Variants in GALNT15 observed in about 807,000 individuals in gnomAD.
GALNT15 encodes the protein polypeptide N-acetylgalactosaminyltransferase 15, also known as UDP-GalNAc transferase T15.
Under a neutral mutation model 66.8 loss-of-function variants are expected in GALNT15, and 67 were observed. The observed-to-expected ratio is 1.00, with a 90% CI of 0.82 to 1.23. GALNT15 has a LOEUF of 1.23. Ranked by LOEUF, GALNT15 falls within the 50% of genes most tolerant of loss-of-function variation. The pLI, the probability that GALNT15 is intolerant of heterozygous loss-of-function variation, is 0.00. For missense variants in GALNT15, 827 were observed against 804.3 expected, an observed-to-expected ratio of 1.03 and a Z score of -0.34; for synonymous variants, 313 against 311.5, an observed-to-expected ratio of 1.00 and a Z score of -0.05.
intron 1 of GALNT15, among the ~76,000 whole-genome samples, chr3:16,190,616 G>C (rs542712229): frequency 1.7e-3 from 248 of 148,908 alleles, no homozygotes; most frequent in African/African-American, 3.9e-3. Context: ...CCAGCCTGGG[G>C]GACAGAGCGA....
At chr3:16,223,154 C>T (rs2063965917) in intron 9 of GALNT15, among the ~76,000 whole-genome samples, 1 of 152,122 alleles carries the variant, frequency 6.6e-6, no homozygotes, top group African/African-American at 2.4e-5. Flanking sequence ...ACTTTAGATA[C>T]AGATGTAGAT....
intron 3 of GALNT15, among the ~76,000 whole-genome samples, chr3:16,206,629 C>T (rs1485239830): frequency 7.0e-5 from 10 of 142,004 alleles, no homozygotes; most frequent in East Asian, 2.0e-4. Flanking sequence ...ACCGAGATCA[C>T]GCCACTGCCC....
the GALNT15 span, among the ~76,000 whole-genome samples, chr3:16,238,923 G>C: frequency 6.6e-6 from 1 of 152,142 alleles, no homozygotes; most frequent in South Asian, 2.1e-4. This position sits in a 1 kb window ranked among gnomAD's most constrained non-coding sequence, Gnocchi z 4.8. Context: ...GCCTAGTTGA[G>C]GACAGGCAGT....
the GALNT15 span, among the ~76,000 whole-genome samples, chr3:16,240,888 AC>A: frequency 6.6e-6 from 1 of 152,146 alleles, no homozygotes; most frequent in Admixed American, 6.5e-5. Context: ...CTCTGGACTC[AC>A]CTGCTACTAT....
At chr3:16,217,535 T>G (rs897925644) in intron 6 of GALNT15, among the ~76,000 whole-genome samples, 2 of 152,222 alleles carry the variant, frequency 1.3e-5, no homozygotes, top group African/African-American at 4.8e-5. Context: ...GCCCTAAAGA[T>G]TTCTATTTCT....
Position 16,180,641 on chromosome 3 carries a change from C to T in GALNT15, c.539+4951C>T, listed in dbSNP as rs564274220. On this transcript the variant is annotated intron_variant, in intron 1 of 9. Coordinates refer to ENST00000339732, the MANE Select transcript of GALNT15 (RefSeq NM_054110.5). The surrounding 1 kb of genome is among the most constrained non-coding windows in gnomAD (Gnocchi z 5.0). Reference sequence around the variant, plus strand: ...TCTGGGGAACTACTGGTAGAGAAAGCGAGTGGAGAGCTGGTAGAGTTTGGG... The same window carrying T: ...TCTGGGGAACTACTGGTAGAGAAAGTGAGTGGAGAGCTGGTAGAGTTTGGG... Among the ~76,000 whole-genome samples, 15 of 152,236 alleles carry T rather than the reference C, an allele frequency of 9.9e-5. No homozygotes were observed. The highest frequency in any genetic ancestry group is 2.9e-4 in the African/African-American group (12 of 41,540).
In GALNT15 at chr3:16,203,487, G is replaced by A. The variant is rs914434248; in HGVS notation, c.911+2664G>A. Among the ~76,000 whole-genome samples, 2 of 143,156 alleles carry A rather than the reference G, an allele frequency of 1.4e-5. No homozygotes were observed. The highest frequency in any genetic ancestry group is 3.0e-5 in the Non-Finnish European group (2 of 65,644). 93.9% of individuals were successfully genotyped at this position (143,156 alleles called of 152,430 possible). A position where few individuals can be genotyped will look rare whatever the true frequency, so the allele number is the denominator to read the frequency against. On this transcript the variant is annotated intron_variant, in intron 3 of 9. Coordinates refer to ENST00000339732, the MANE Select transcript of GALNT15 (RefSeq NM_054110.5). The surrounding 1 kb of genome is among the most constrained non-coding windows in gnomAD (Gnocchi z 6.2). ...GTCTCTGCCTCTCTACCTCTCTCACGGTCTTTGTCTCTCTCTGTCTCTTGG... is the reference window on the plus strand; with the variant it reads ...GTCTCTGCCTCTCTACCTCTCTCACAGTCTTTGTCTCTCTCTGTCTCTTGG...
At position 16,202,007 on chromosome 3, in the gene GALNT15, T is replaced by G. The variant is rs543959750; in HGVS notation, c.911+1184T>G. Among the ~76,000 whole-genome samples, 5 of 152,266 alleles carry G rather than the reference T, an allele frequency of 3.3e-5. No homozygotes were observed. In the East Asian group the frequency reaches 9.7e-4, roughly 29 times the overall value. ...AATGCTAGAACCAAGCCTTATGACT[T>G]CTACCCATGATGAATGTTTATTATC... On this transcript the variant is annotated intron_variant, in intron 3 of 9. Transcript: ENST00000339732.
rs1197407961 is a variant in GALNT15, at chr3:16,229,003, G to A, written c.*1503G>A. On this transcript the variant is annotated 3_prime_UTR_variant, in exon 10 of 10. Coordinates refer to ENST00000339732, the MANE Select transcript of GALNT15 (RefSeq NM_054110.5). ...AGCTGTAAGAGTTGCCGAATGGGAT[G>A]GGTTCTGCTATTTAATAAACAGCAT... 1.0e-6 allele frequency: 1 copy of A among 985,264 alleles called. No homozygotes were observed. Among genetic ancestry groups the A allele is most frequent in the African/African-American group, 1.7e-5 (1 of 57,222 alleles). The allele number at this position is 985,264 out of a possible 1,614,324, so 61.0% of individuals were successfully genotyped here.
rs1211913871 is a variant in GALNT15 at position 16,188,984 on chromosome 3, G to A, written c.540-6776G>A. 6.6e-6 allele frequency among the ~76,000 whole-genome samples: 1 copy of A among 152,090 alleles called. No homozygotes were observed. The highest frequency in any genetic ancestry group is 1.5e-5 in the Non-Finnish European group (1 of 68,028). Reference sequence around the variant, plus strand: ...TGGACCATTTCTTATTGTCTCCTCAGCATCTCCCAAAACTTACACACTCAC... The same window carrying A: ...TGGACCATTTCTTATTGTCTCCTCAACATCTCCCAAAACTTACACACTCAC... On this transcript the variant is annotated intron_variant, in intron 1 of 9. Coordinates refer to ENST00000339732, the MANE Select transcript of GALNT15 (RefSeq NM_054110.5). This position sits in a 1 kb window ranked among gnomAD's most constrained non-coding sequence, Gnocchi z 4.6.
chr3:16,201,336 C>G (rs867226220), intron 3 of GALNT15, among the ~76,000 whole-genome samples: 1 of 152,082 alleles, frequency 6.6e-6, no homozygotes, highest in Admixed American at 6.5e-5. Flanking sequence ...CGCCCGCCAC[C>G]ACACCCGGCT....
At chr3:16,206,522 A>T (rs1445190581) in intron 3 of GALNT15, among the ~76,000 whole-genome samples, 5 of 150,318 alleles carry the variant, frequency 3.3e-5, no homozygotes, top group African/African-American at 9.8e-5. Context: ...AAAATACAAA[A>T]ATTAGCCGGG....
At chr3:16,213,287 C>T (rs2006857) in intron 6 of GALNT15, among the ~76,000 whole-genome samples, 67,363 of 151,102 alleles carry the variant, frequency 0.45, 15,825 homozygotes, top group East Asian at 0.58. Flanking sequence ...AACCCCGTCT[C>T]TACTAAAAAT....
At chr3:16,201,215 T>C (rs2063697950) in intron 3 of GALNT15, among the ~76,000 whole-genome samples, 1 of 151,616 alleles carries the variant, frequency 6.6e-6, no homozygotes, top group Non-Finnish European at 1.5e-5. Flanking sequence ...GGCGTCTCGC[T>C]CTGTCACCCA....
chr3:16,186,619 TA>T lies in GALNT15; in HGVS notation c.540-9140del, dbSNP rs1309538796. 6.6e-6 allele frequency among the ~76,000 whole-genome samples: 1 copy of T among 152,202 alleles called. No homozygotes were observed. The highest frequency in any genetic ancestry group is 2.4e-5 in the African/African-American group (1 of 41,448). On this transcript the variant is annotated intron_variant, in intron 1 of 9. Coordinates refer to ENST00000339732, the MANE Select transcript of GALNT15 (RefSeq NM_054110.5). The surrounding 1 kb of genome is among the most constrained non-coding windows in gnomAD (Gnocchi z 5.1). ...TATTAGGCAGTAAAAAGAAATGAAG[TA>T]CTGATATAGACTACAACATGATTAA...
chr3:16,211,920 C>A lies in GALNT15; in HGVS notation c.1198-649C>A, dbSNP rs2124887081. Among the ~76,000 whole-genome samples the A allele has an allele frequency of 6.6e-6, 1 of 152,306 alleles. No homozygotes were observed. Among genetic ancestry groups the A allele is most frequent in the Admixed American group, 6.5e-5 (1 of 15,306 alleles). ...CAGACCCTATGAGTTTGCTGTGGCACCCTGGGGCACCTTGGCACATAATTT... is the reference window on the plus strand; with the variant it reads ...CAGACCCTATGAGTTTGCTGTGGCAACCTGGGGCACCTTGGCACATAATTT... On this transcript the variant is annotated intron_variant, in intron 5 of 9. Transcript: ENST00000339732. The surrounding 1 kb of genome is among the most constrained non-coding windows in gnomAD (Gnocchi z 4.3).
intron 1 of GALNT15, among the ~76,000 whole-genome samples, chr3:16,179,828 A>C (rs1205579251): frequency 6.6e-6 from 1 of 152,172 alleles, no homozygotes; most frequent in African/African-American, 2.4e-5. Flanking sequence ...GGCAAAATAG[A>C]GAAGAGCCCA....
intron 3 of GALNT15, 69 bp from the exon 4 acceptor site, chr3:16,208,434 T>C: frequency 1.3e-6 from 2 of 1,548,254 alleles, no homozygotes; most frequent in Non-Finnish European, 1.8e-6. Flanking sequence ...GCAGCCCATG[T>C]ACAGACTGTT....
At position 16,200,583 on chromosome 3, in the gene GALNT15, T is replaced by G. The variant is rs1290962221; in HGVS notation, c.707-36T>G. The G allele has an allele frequency of 6.9e-7, 1 of 1,443,182 alleles. No homozygotes were observed. 89.4% of individuals were successfully genotyped at this position (1,443,182 alleles called of 1,614,324 possible). A position where few individuals can be genotyped will look rare whatever the true frequency, so the allele number is the denominator to read the frequency against. Reference sequence around the variant, plus strand: ...GTCACAATCTCATCGGTTGTGGCATTTGTCATTCCACTGACCACAACCCTG... The same window carrying G: ...GTCACAATCTCATCGGTTGTGGCATGTGTCATTCCACTGACCACAACCCTG... On this transcript the variant is annotated intron_variant, in intron 2 of 9. Coordinates refer to ENST00000339732, the MANE Select transcript of GALNT15 (RefSeq NM_054110.5). The surrounding 1 kb of genome is among the most constrained non-coding windows in gnomAD (Gnocchi z 4.4).
Sources: gnomAD v4.1 joint callset for allele counts (sites outside exome capture counted in the v4.1 genomes callset) on GRCh38, gnomAD v4.1.1 for gene constraint, Gnocchi (gnomAD v3.1) non-coding constraint, MANE v1.5 for transcripts, NCBI Gene and HGNC (gene_info 2026-07-23, HGNC 2026-07-21) for gene names.